MYO1B: variants seen among roughly 807,000 people sequenced by gnomAD.
The protein encoded by MYO1B is myosin IB, also known as unconventional myosin-Ib.
Under a neutral mutation model 159.7 loss-of-function variants are expected in MYO1B, and 72 were observed. The ratio of observed to expected loss-of-function variants is 0.45; its 90% CI spans 0.37 to 0.55. The LOEUF is 0.55. MYO1B is among the 20% of genes least tolerant of loss of function. The pLI is 0.00. For synonymous variants in MYO1B, 468 were observed against 473.8 expected (o/e 0.99, Z 0.16); for missense variants, 1,062 against 1,364.8 (o/e 0.78, Z 3.50).
chr2:191,406,764 A>G (rs1157797438), intron 24 of MYO1B, among the ~76,000 whole-genome samples: 1 of 152,250 alleles, frequency 6.6e-6, no homozygotes, highest in African/African-American at 2.4e-5. Context: ...AAATGGTGCC[A>G]ATAGGCTTGT....
chr2:191,345,101 C>T (rs867241817), intron 5 of MYO1B, among the ~76,000 whole-genome samples: 2 of 152,116 alleles, frequency 1.3e-5, no homozygotes, highest in Non-Finnish European at 2.9e-5. Flanking sequence ...CCTCTGATTC[C>T]AGAAGTTTAT....
intron 7 of MYO1B, 61 bp downstream of exon 7, chr2:191,350,286 T>A: frequency 8.2e-7 from 1 of 1,219,026 alleles, no homozygotes; most frequent in Non-Finnish European, 1.2e-6. Context: ...ATATTTATAG[T>A]AGAATAGTTT....
Position 191,385,984 on chromosome 2 carries a change from C to T in MYO1B, c.1454C>T (p.Thr485Ile). 1.2e-6 allele frequency: 2 copies of T among 1,614,138 alleles called. No individual in the cohort carries two copies. The highest frequency in any genetic ancestry group is 1.7e-6 in the Non-Finnish European group (2 of 1,180,004). Residue 485 changes from threonine to isoleucine, a missense_variant, in exon 16 of 31, where the codon ACC (threonine) becomes ATC (isoleucine). Thr to Ile is a moderately conservative substitution (Grantham distance 89). Transcript: ENST00000392318. ...FLEKLNQVCATHQHFESRMSK... is the reference protein window; with the variant it reads ...FLEKLNQVCAIHQHFESRMSK... The stretch of plus-strand genomic sequence containing the variant: ...GAAAAGCTGAACCAAGTATGTGCCA[C>T]CCACCAGCATTTTGAGAGCAGGATG...
intron 1 of MYO1B, among the ~76,000 whole-genome samples, chr2:191,273,249 G>A (rs895606186): frequency 2.0e-5 from 3 of 152,116 alleles, no homozygotes; most frequent in South Asian, 4.1e-4. Context: ...CTCCTCCTGA[G>A]TAGCTGGGAT....
intron 3 of MYO1B, among the ~76,000 whole-genome samples, chr2:191,298,030 A>G (rs1010833014): frequency 2.0e-5 from 3 of 152,248 alleles, no homozygotes; most frequent in Non-Finnish European, 4.4e-5. Flanking sequence ...TTTTCTCTGT[A>G]TGATTAAAGA....
At chr2:191,277,053 T>G (rs1269199487) in intron 2 of MYO1B, 23 bp downstream of exon 2, 3 of 1,609,158 alleles carry the variant, frequency 1.9e-6, no homozygotes, top group Non-Finnish European at 2.5e-6. Context: ...GAAGGTCATC[T>G]GTAATGTTTA....
intron 7 of MYO1B, among the ~76,000 whole-genome samples, chr2:191,352,424 G>A (rs1446452999): frequency 6.6e-6 from 1 of 152,056 alleles, no homozygotes; most frequent in Non-Finnish European, 1.5e-5. Context: ...TATTACTCGA[G>A]GATTTTAGGA....
chr2:191,332,418 A>C (rs1691549842), intron 4 of MYO1B, among the ~76,000 whole-genome samples: 1 of 152,136 alleles, frequency 6.6e-6, no homozygotes, highest in Admixed American at 6.5e-5. Context: ...ATTGATGAAC[A>C]AAATTATTTT....
At chr2:191,287,315 G>A (rs1019469710) in intron 2 of MYO1B, among the ~76,000 whole-genome samples, 3 of 152,070 alleles carry the variant, frequency 2.0e-5, no homozygotes, top group African/African-American at 7.2e-5. Context: ...ATCACCCGAG[G>A]TCAGGAATTC....
chr2:191,393,310 T>C, intron 20 of MYO1B, 88 bp downstream of exon 20: 1 of 1,421,416 alleles, frequency 7.0e-7, no homozygotes, highest in Non-Finnish European at 9.6e-7. Context: ...GATTTTTACA[T>C]ACTTAATTCT....
intron 10 of MYO1B, 98 bp downstream of exon 10, chr2:191,363,973 GT>G: frequency 6.9e-7 from 1 of 1,458,238 alleles, no homozygotes; most frequent in Non-Finnish European, 9.6e-7. Flanking sequence ...CTTTGCATTG[GT>G]TTGAGAAAGC....
intron 4 of MYO1B, among the ~76,000 whole-genome samples, chr2:191,337,517 G>A (rs1574459447): frequency 6.6e-6 from 1 of 152,154 alleles, no homozygotes; most frequent in East Asian, 1.9e-4. Context: ...GTCCATTAGT[G>A]AGGAATATGT....
Position 191,336,591 on chromosome 2 carries a change from C to T in MYO1B, c.347-4870C>T, listed in dbSNP as rs1030718179. Among the ~76,000 whole-genome samples, 7 of 152,132 alleles carry T rather than the reference C, an allele frequency of 4.6e-5. No individual in the cohort carries two copies. In the South Asian group the frequency reaches 1.5e-3, roughly 32 times the overall value. On this transcript the variant is annotated intron_variant, in intron 4 of 30. Coordinates refer to ENST00000392318, the MANE Select transcript of MYO1B (RefSeq NM_001130158.3). ...GTTGTGACTTCCCTTGTAACAAAGG[C>T]TGCGTCTCTCATTGCAGGGCCCATG...
intron 5 of MYO1B, among the ~76,000 whole-genome samples, chr2:191,345,518 C>T (rs1043566834): frequency 6.6e-5 from 10 of 152,164 alleles, no homozygotes; most frequent in African/African-American, 1.7e-4. Flanking sequence ...GGTTCTTAAA[C>T]GCTCTCATTT....
chr2:191,294,187 T>C (rs1688847953), intron 2 of MYO1B, among the ~76,000 whole-genome samples: 1 of 152,154 alleles, frequency 6.6e-6, no homozygotes, highest in Non-Finnish European at 1.5e-5. Context: ...GCTTTTGATT[T>C]TGAATTTGAG....
At chr2:191,278,934 C>T (rs1006788768) in intron 2 of MYO1B, among the ~76,000 whole-genome samples, 2 of 152,204 alleles carry the variant, frequency 1.3e-5, no homozygotes, top group African/African-American at 2.4e-5. Context: ...GCACAATTCA[C>T]TTTTAAATGA....
chr2:191,366,079 A>G (rs1232839294), intron 11 of MYO1B, among the ~76,000 whole-genome samples: 2 of 152,332 alleles, frequency 1.3e-5, no homozygotes, highest in East Asian at 1.9e-4. Context: ...TTTGAGAGCC[A>G]CCGAGTTTGG....
chr2:191,305,318 G>A (rs1219891183), intron 3 of MYO1B, among the ~76,000 whole-genome samples: 1 of 152,214 alleles, frequency 6.6e-6, no homozygotes, highest in Admixed American at 6.5e-5. Flanking sequence ...CATCCAGCCA[G>A]CCCAGGGAAG....
At chr2:191,278,887 T>C (rs1159077896) in intron 2 of MYO1B, among the ~76,000 whole-genome samples, 1 of 152,258 alleles carries the variant, frequency 6.6e-6, no homozygotes, top group African/African-American at 2.4e-5. Context: ...ATATTGTAAC[T>C]AACGTTACCG....
Sources: allele counts gnomAD v4.1 joint callset (sites outside exome capture counted in the v4.1 genomes callset), GRCh38; gene constraint gnomAD v4.1.1; transcripts MANE v1.5; gene names NCBI Gene and HGNC (gene_info 2026-07-23, HGNC 2026-07-21).